The following BRSK2 variants were observed in gnomAD, a reference collection of about 807,000 sequenced individuals.
The protein encoded by BRSK2 is BR serine/threonine kinase 2.
BRSK2 carries 19 observed loss-of-function variants against 83.3 expected under a neutral mutation model. That is an observed-to-expected ratio of 0.23 (90% CI 0.16 to 0.33). The LOEUF (loss-of-function observed/expected upper bound fraction) is 0.33, where lower values mean the gene tolerates loss of function less well. Ranked by LOEUF, BRSK2 falls within the 10% of genes least tolerant of loss-of-function variation. The pLI is 1.00. For missense variants in BRSK2, 798 were observed against 1,042.3 expected (o/e 0.77, Z 3.23); for synonymous variants, 519 against 435.4 (o/e 1.19, Z -2.39).
At position 1,462,026 on chromosome 11, in the gene BRSK2, G is replaced by A. The variant is rs1224366812; in HGVS notation, c.*1303G>A. On this transcript the variant is annotated 3_prime_UTR_variant, in exon 20 of 20. Coordinates refer to ENST00000528841, the MANE Select transcript of BRSK2 (RefSeq NM_001256627.2). ...TGTGTCCAAAGGTGAAGGGGTAGGA[G>A]GAGGGCCCTCAGCTGGCCCTCCCCA... 6.6e-6 allele frequency: 1 copy of A among 152,212 alleles called. No homozygotes were observed. Among genetic ancestry groups the A allele is most frequent in the Non-Finnish European group, 1.5e-5 (1 of 68,034 alleles). 9.4% of individuals were successfully genotyped at this position (152,212 alleles called of 1,614,324 possible).
At position 1,461,881 on chromosome 11, in the gene BRSK2, G is replaced by A. The variant is rs1344035334; in HGVS notation, c.*1158G>A. Reference sequence around the variant, plus strand: ...AGACGGTGCGGCTCGCTCTGTCATGGGTTCCGTCTCTCTGTGGAGAAGCAG... The same window carrying A: ...AGACGGTGCGGCTCGCTCTGTCATGAGTTCCGTCTCTCTGTGGAGAAGCAG... On this transcript the variant is annotated 3_prime_UTR_variant, in exon 20 of 20. Transcript: ENST00000528841. 1 of 69,826 alleles carries A rather than the reference G, an allele frequency of 1.4e-5. No individual in the cohort carries two copies. The highest frequency in any genetic ancestry group is 3.0e-5 in the Non-Finnish European group (1 of 32,914). The allele number at this position is 69,826 out of a possible 1,614,324, so 4.3% of individuals were successfully genotyped here.
rs375874956 is a variant in BRSK2 at position 1,459,334 on chromosome 11, C to T, written c.1987+95C>T. The T allele has an allele frequency of 2.4e-5, 34 of 1,440,240 alleles. 2 individuals are homozygous for T. Among genetic ancestry groups the T allele is most frequent in the African/African-American group, 1.4e-4 (10 of 71,566 alleles). 89.2% of individuals were successfully genotyped at this position (1,440,240 alleles called of 1,614,324 possible). A position where few individuals can be genotyped will look rare whatever the true frequency, so the allele number is the denominator to read the frequency against. ...CCGCCACCTGCCGCCCGGGTTGTCC[C>T]GGCCTCCCTGTGTAGATGTAGGCAC... On this transcript the variant is annotated intron_variant, in intron 19 of 19. Coordinates refer to ENST00000528841, the MANE Select transcript of BRSK2 (RefSeq NM_001256627.2).
Position 1,461,317 on chromosome 11 carries a change from G to C in BRSK2, c.*594G>C. Reference sequence around the variant, plus strand: ...CCACCGCCTCCACGCCGCACCTGGAGGCCTCCTCGCAGGCCCGTGCCCCGC... The same window carrying C: ...CCACCGCCTCCACGCCGCACCTGGACGCCTCCTCGCAGGCCCGTGCCCCGC... On this transcript the variant is annotated 3_prime_UTR_variant, in exon 20 of 20. Coordinates refer to ENST00000528841, the MANE Select transcript of BRSK2 (RefSeq NM_001256627.2). The C allele has an allele frequency of 2.4e-6, 1 of 416,322 alleles. No homozygotes were observed. The highest frequency in any genetic ancestry group is 2.6e-5 in the South Asian group (1 of 38,218). 25.8% of individuals were successfully genotyped at this position (416,322 alleles called of 1,614,324 possible).
intron 12 of BRSK2, among the ~76,000 whole-genome samples, chr11:1,449,353 A>AG (rs1481559330): frequency 6.6e-6 from 1 of 152,218 alleles, no homozygotes; most frequent in Non-Finnish European, 1.5e-5. Context: ...ACCAGGCTGC[A>AG]GGCCCTGTGA....
At chr11:1,408,807 G>T (rs1480408108) in intron 1 of BRSK2, among the ~76,000 whole-genome samples, 2 of 137,386 alleles carry the variant, frequency 1.5e-5, no homozygotes, top group Admixed American at 7.1e-5. Context: ...GTGTTTGCCT[G>T]TGCTGGTGTG....
Position 1,443,680 on chromosome 11 carries a change from G to T in BRSK2, c.780+45G>T, listed in dbSNP as rs756346772. ...GGCGGCCCCAGAGCGTGGCGGGGGGGCGCGGGGGCGGGCGTGTGCCTGTGT... is the reference window on the plus strand; with the variant it reads ...GGCGGCCCCAGAGCGTGGCGGGGGGTCGCGGGGGCGGGCGTGTGCCTGTGT... On this transcript the variant is annotated intron_variant, in intron 8 of 19. Coordinates refer to ENST00000528841, the MANE Select transcript of BRSK2 (RefSeq NM_001256627.2). 39 of 1,391,398 alleles carry T rather than the reference G, an allele frequency of 2.8e-5. No individual in the cohort carries two copies. In the African/African-American group the frequency reaches 5.4e-4, roughly 19 times the overall value. 86.2% of individuals were successfully genotyped at this position (1,391,398 alleles called of 1,614,324 possible).
chr11:1,456,609 C>T lies in BRSK2; in HGVS notation c.1861C>T (p.Arg621Cys), dbSNP rs1198947199. 4 of 1,610,798 alleles carry T rather than the reference C, an allele frequency of 2.5e-6. No homozygotes were observed. Among genetic ancestry groups the T allele is most frequent in the African/African-American group, 1.3e-5 (1 of 74,928 alleles). ...TFTLLSGPSR[R>C]FKRVVETIQA... The stretch of plus-strand genomic sequence containing the variant: ...CCTGTCTCCCCTAGGCCCCAGCCGT[C>T]GCTTCAAGAGGGTGGTGGAGACCAT... The change falls in exon 18 of 20, where the codon CGC becomes TGC. Residue 621 changes from arginine to cysteine, a missense_variant. Physicochemically the swap from Arg to Cys is radical, Grantham distance 180. Around this residue, in one of 6 missense-constraint regions of BRSK2, gnomAD observed 455 missense variants for 455.2 expected, o/e 1.00. Transcript: ENST00000528841.
At chr11:1,450,052 ACTT>A (rs1203046275) in intron 13 of BRSK2, among the ~76,000 whole-genome samples, 1 of 151,882 alleles carries the variant, frequency 6.6e-6, no homozygotes, top group Non-Finnish European at 1.5e-5. Flanking sequence ...CTTGTGTGTC[ACTT>A]CTTTTCTTTT....
chr11:1,444,926 T>C (rs1175307928), intron 8 of BRSK2, 45 bp from the exon 9 acceptor site: 1 of 1,589,334 alleles, frequency 6.3e-7, no homozygotes, highest in Admixed American at 1.7e-5. Context: ...GTGGGCTCTT[T>C]CCGTCCCTCG....
chr11:1,394,656 T>G (rs1272472270), intron 1 of BRSK2, among the ~76,000 whole-genome samples: 1 of 67,076 alleles, frequency 1.5e-5, no homozygotes, highest in Non-Finnish European at 2.9e-5. Context: ...TGGAGATGGG[T>G]CCTGGAGATG....
intron 15 of BRSK2, chr11:1,453,994 G>C (rs926968190): frequency 1.3e-5 from 2 of 155,394 alleles, no homozygotes; most frequent in African/African-American, 4.8e-5. Context: ...CTGCATGTTG[G>C]GGTGAGCCTG....
rs1847338024 is a variant in BRSK2 at position 1,460,526 on chromosome 11, GTAAT to G, written c.2018_2021del (p.Ile673AsnfsTer183). ...CAGCCCATTGAGTAACTTCTTTGAC[GTAAT>G]TAAACAACTTTTTTCAGACGAGAAG... On this transcript the variant is annotated frameshift_variant, in exon 20 of 20. Transcript: ENST00000528841. LOFTEE classifies it high-confidence loss of function. The G allele has an allele frequency of 5.0e-6, 7 of 1,400,846 alleles. No homozygotes were observed. Among genetic ancestry groups the G allele is most frequent in the South Asian group, 3.7e-5 (3 of 80,650 alleles). The allele number at this position is 1,400,846 out of a possible 1,614,324, so 86.8% of individuals were successfully genotyped here. A position where few individuals can be genotyped will look rare whatever the true frequency, so the allele number is the denominator to read the frequency against.
Position 1,460,753 on chromosome 11 carries a change from C to T in BRSK2, c.*30C>T. 7.2e-7 allele frequency: 1 copy of T among 1,393,398 alleles called. No homozygotes were observed. The highest frequency in any genetic ancestry group is 9.3e-7 in the Non-Finnish European group (1 of 1,070,640). 86.3% of individuals were successfully genotyped at this position (1,393,398 alleles called of 1,614,324 possible). A position where few individuals can be genotyped will look rare whatever the true frequency, so the allele number is the denominator to read the frequency against. On this transcript the variant is annotated 3_prime_UTR_variant, in exon 20 of 20. Coordinates refer to ENST00000528841, the MANE Select transcript of BRSK2 (RefSeq NM_001256627.2). ...ACTAGCCCCCCCCCCCAGCACAGCA[C>T]TGACAGCGGCTGCCTCGCCGCCCGC...
rs377176943 is a variant in BRSK2, at chr11:1,440,156, G to A, written c.273-632G>A. On this transcript the variant is annotated intron_variant, in intron 3 of 19. Coordinates refer to ENST00000528841, the MANE Select transcript of BRSK2 (RefSeq NM_001256627.2). ...CGGCCCCCAAGCAGCTGCATGCAGCGTCCCACGGGCCTCTCACCAGGAACC... is the reference window on the plus strand; with the variant it reads ...CGGCCCCCAAGCAGCTGCATGCAGCATCCCACGGGCCTCTCACCAGGAACC... 2.0e-4 allele frequency among the ~76,000 whole-genome samples: 30 copies of A among 152,280 alleles called. 1 individual carries two copies. Among genetic ancestry groups the A allele is most frequent in the Middle Eastern group, 3.4e-3 (1 of 294 alleles).
chr11:1,398,262 G>A (rs1044175248), intron 1 of BRSK2, among the ~76,000 whole-genome samples: 1 of 152,210 alleles, frequency 6.6e-6, no homozygotes, highest in Non-Finnish European at 1.5e-5. Context: ...CGGGCCTCGT[G>A]TCCTCGGCAC....
chr11:1,393,197 T>A (rs893891417), intron 1 of BRSK2, among the ~76,000 whole-genome samples: 2 of 152,184 alleles, frequency 1.3e-5, no homozygotes, highest in African/African-American at 4.8e-5. Context: ...AGTTGGAGCA[T>A]GCAGGTCCAG....
intron 12 of BRSK2, among the ~76,000 whole-genome samples, 153 bp downstream of exon 12, chr11:1,446,060 G>GGGCTGGGCTT (rs1230883558): frequency 5.2e-5 from 3 of 57,294 alleles, no homozygotes; most frequent in Admixed American, 1.4e-4. Context: ...GGGCTGGGCT[G>GGGCTGGGCTT]GGCTGGGCTT....
At chr11:1,450,189 C>CA (rs1845640360) in intron 13 of BRSK2, among the ~76,000 whole-genome samples, 1 of 151,978 alleles carries the variant, frequency 6.6e-6, no homozygotes, top group South Asian at 2.1e-4. Context: ...GCGGCTGCCC[C>CA]CACCCCGCTC....
intron 1 of BRSK2, among the ~76,000 whole-genome samples, chr11:1,402,481 G>C (rs1846545601): frequency 6.6e-6 from 1 of 152,212 alleles, no homozygotes. Flanking sequence ...CTCCGGGGAG[G>C]AGCATTGCAA....
Sources: allele counts gnomAD v4.1 joint callset (sites outside exome capture counted in the v4.1 genomes callset), GRCh38; gene constraint gnomAD v4.1.1; regional missense constraint gnomAD v4.1.1; transcripts MANE v1.5; gene names NCBI Gene and HGNC (gene_info 2026-07-23, HGNC 2026-07-21).